The following ASXL3 variants were observed in gnomAD, a reference collection of about 807,000 sequenced individuals.
The protein encoded by ASXL3 is putative Polycomb group protein ASXL3.
In ASXL3, 34 loss-of-function variants were observed where a neutral mutation model predicts 170.6. The ratio of observed to expected loss-of-function variants is 0.20; its 90% CI spans 0.15 to 0.27. The LOEUF (loss-of-function observed/expected upper bound fraction) is 0.27, where lower values mean the gene tolerates loss of function less well. ASXL3 is among the 10% of genes least tolerant of loss of function. The pLI is 1.00. For synonymous variants in ASXL3, 1,002 were observed against 989.1 expected (o/e 1.01, Z -0.24); for missense variants, 2,592 against 2,695.3 (o/e 0.96, Z 0.85).
chr18:33,672,876 G>A (rs1456172081), intron 7 of ASXL3, among the ~76,000 whole-genome samples: 1 of 151,794 alleles, frequency 6.6e-6, no homozygotes, highest in African/African-American at 2.4e-5. Flanking sequence ...ACTTTAAATA[G>A]GATTTATTTA....
chr18:33,700,451 A>AT (rs996597445), intron 8 of ASXL3, among the ~76,000 whole-genome samples: 65 of 128,720 alleles, frequency 5.0e-4, no homozygotes, highest in South Asian at 1.0e-3. Context: ...CCACAGGTTC[A>AT]TTTTTTTTTT....
At chr18:33,632,150 A>G (rs955502039) in intron 2 of ASXL3, among the ~76,000 whole-genome samples, 2 of 152,116 alleles carry the variant, frequency 1.3e-5, no homozygotes, top group African/African-American at 4.8e-5. Flanking sequence ...CTTACAGGTT[A>G]TTTCTACCTA....
chr18:33,717,856 C>T (rs73955189), intron 8 of ASXL3, among the ~76,000 whole-genome samples: 3,353 of 152,156 alleles, frequency 0.022, 62 homozygotes, highest in South Asian at 0.1. Flanking sequence ...CTGGTTTGTG[C>T]ACAGCTAATT....
Position 33,691,012 on chromosome 18 carries a change from G to A in ASXL3, c.879+7444G>A, listed in dbSNP as rs137928889. 2.6e-3 allele frequency among the ~76,000 whole-genome samples: 394 copies of A among 152,132 alleles called. 1 individual carries two copies. The highest frequency in any genetic ancestry group is 6.8e-3 in the Middle Eastern group (2 of 294). On this transcript the variant is annotated intron_variant, in intron 8 of 11. Transcript: ENST00000269197. The stretch of plus-strand genomic sequence containing the variant: ...CTCCTGGACTGTCATGATCATGGCT[G>A]TACCCCTCTCCCCTTCTCTACACGC...
intron 8 of ASXL3, among the ~76,000 whole-genome samples, chr18:33,730,015 A>G (rs1187904633): frequency 6.6e-6 from 1 of 152,160 alleles, no homozygotes; most frequent in Non-Finnish European, 1.5e-5. Flanking sequence ...GTCCAACAGA[A>G]TGAATAATAC....
At chr18:33,610,918 T>C (rs1031063899) in intron 2 of ASXL3, among the ~76,000 whole-genome samples, 3 of 151,976 alleles carry the variant, frequency 2.0e-5, no homozygotes, top group Non-Finnish European at 2.9e-5. Context: ...ACTAAAGTTA[T>C]GGTGCTGTTG....
chr18:33,653,408 C>T (rs547520688), intron 4 of ASXL3, among the ~76,000 whole-genome samples: 2 of 152,214 alleles, frequency 1.3e-5, no homozygotes, highest in African/African-American at 4.8e-5. Flanking sequence ...GCATTTTAGG[C>T]AACAGCTTTG....
intron 2 of ASXL3, among the ~76,000 whole-genome samples, chr18:33,620,010 A>G (rs1195870537): frequency 6.6e-6 from 1 of 152,132 alleles, no homozygotes; most frequent in African/African-American, 2.4e-5. Flanking sequence ...TCCTTTAGGA[A>G]GTGTTCTTAA....
chr18:33,655,394 G>C (rs183874376), intron 4 of ASXL3, among the ~76,000 whole-genome samples: 532 of 152,060 alleles, frequency 3.5e-3, no homozygotes, highest in Non-Finnish European at 3.9e-3. Flanking sequence ...ATCAGTGCTT[G>C]TAATTTTTAG....
At chr18:33,591,706 A>C (rs1286977365) in intron 1 of ASXL3, among the ~76,000 whole-genome samples, 1 of 150,140 alleles carries the variant, frequency 6.7e-6, no homozygotes, top group Non-Finnish European at 1.5e-5. Context: ...CAGTGGCGCG[A>C]TCTCGGCTCA....
In ASXL3 at chr18:33,744,001, G is replaced by C; in HGVS notation, c.4153G>C (p.Val1385Leu). The part of the protein sequence containing the change: ...AIPGSEEQAT[V>L]SMGTTVRAAL... ...ACCTGGGAGTGAAGAACAGGCCACT[G>C]TATCCATGGGTACCACTGTGAGAGC... is the stretch of plus-strand genomic sequence containing the variant. The change falls in exon 12 of 12, where the codon GTA becomes CTA. Residue 1385 changes from valine to leucine, a missense_variant. Physicochemically the swap from Val to Leu is conservative, Grantham distance 32 (BLOSUM62 1). This residue lies in a region of ASXL3 where 2,246 missense variants were observed against 2,219.6 expected (regional missense o/e 1.01). Transcript: ENST00000269197. 1 of 1,614,048 alleles carries C rather than the reference G, an allele frequency of 6.2e-7. No individual in the cohort carries two copies. The highest frequency in any genetic ancestry group is 8.5e-7 in the Non-Finnish European group (1 of 1,179,906).
intron 8 of ASXL3, among the ~76,000 whole-genome samples, chr18:33,728,227 A>G (rs1016566043): frequency 6.6e-6 from 1 of 152,188 alleles, no homozygotes; most frequent in African/African-American, 2.4e-5. Flanking sequence ...TAAGTGTTAC[A>G]CCGACTATAA....
At chr18:33,724,231 AATT>A (rs2067308842) in intron 8 of ASXL3, among the ~76,000 whole-genome samples, 1 of 152,068 alleles carries the variant, frequency 6.6e-6, no homozygotes, top group African/African-American at 2.4e-5. Flanking sequence ...ATATTTAAAA[AATT>A]ATTATATATA....
At chr18:33,714,712 G>A (rs1293707948) in intron 8 of ASXL3, among the ~76,000 whole-genome samples, 2 of 152,012 alleles carry the variant, frequency 1.3e-5, no homozygotes, top group Non-Finnish European at 2.9e-5. Context: ...TGGGGTACAT[G>A]TTCCACCAGG....
Position 33,744,570 on chromosome 18 carries a change from T to G in ASXL3, c.4722T>G (p.Ala1574=). The part of the protein sequence containing the change: ...LVPDKLNEPT[A]PSHNFAEQAR... ...CAGATAAATTAAATGAGCCGACTGCTCCCAGTCATAACTTTGCTGAGCAGG... is the reference window on the plus strand; with the variant it reads ...CAGATAAATTAAATGAGCCGACTGCGCCCAGTCATAACTTTGCTGAGCAGG... Residue 1574 remains alanine (A), a synonymous_variant, in exon 12 of 12, where the codon GCT becomes GCG. Coordinates refer to ENST00000269197, the MANE Select transcript of ASXL3 (RefSeq NM_030632.3). 1 of 1,611,540 alleles carries G rather than the reference T, an allele frequency of 6.2e-7. No homozygotes were observed. Among genetic ancestry groups the G allele is most frequent in the Non-Finnish European group, 8.5e-7 (1 of 1,179,102 alleles).
intron 5 of ASXL3, among the ~76,000 whole-genome samples, chr18:33,663,030 T>A (rs1320240128): frequency 6.6e-6 from 1 of 152,154 alleles, no homozygotes; most frequent in Non-Finnish European, 1.5e-5. Flanking sequence ...AGTAACAGTA[T>A]TTCACCCTGC....
At chr18:33,727,680 C>G (rs1203973008) in intron 8 of ASXL3, among the ~76,000 whole-genome samples, 2 of 152,102 alleles carry the variant, frequency 1.3e-5, no homozygotes, top group African/African-American at 4.8e-5. Context: ...TCTATTTTGG[C>G]TAATCAGGAA....
chr18:33,614,335 A>T (rs957665100), intron 2 of ASXL3: 13 of 152,194 alleles, frequency 8.5e-5, no homozygotes, highest in Admixed American at 8.5e-4. Flanking sequence ...ATCTATAAGA[A>T]GCACCTCCTG....
At chr18:33,717,668 G>A (rs764682230) in intron 8 of ASXL3, among the ~76,000 whole-genome samples, 4 of 152,092 alleles carry the variant, frequency 2.6e-5, no homozygotes, top group Non-Finnish European at 4.4e-5. Flanking sequence ...ACCATGGAAT[G>A]TCTTGAATAC....
Sources: allele counts gnomAD v4.1 joint callset (sites outside exome capture counted in the v4.1 genomes callset), GRCh38; gene constraint gnomAD v4.1.1; regional missense constraint gnomAD v4.1.1; transcripts MANE v1.5; gene names NCBI Gene and HGNC (gene_info 2026-07-23, HGNC 2026-07-21).